Variants in GATB observed in about 807,000 individuals in gnomAD.
GATB encodes glutamyl-tRNA amidotransferase subunit B.
Under a neutral mutation model 62.3 loss-of-function variants are expected in GATB, and 39 were observed. The ratio of observed to expected loss-of-function variants is 0.63; its 90% confidence interval spans 0.48 to 0.82. The LOEUF (loss-of-function observed/expected upper bound fraction) is 0.82. Ranked by LOEUF, GATB falls within the 40% of genes least tolerant of loss-of-function variation. GATB has a pLI of 0.00. For missense variants in GATB, 670 were observed against 684.0 expected (o/e 0.98, Z 0.23); for synonymous variants, 276 against 258.9 (o/e 1.07, Z -0.63).
chr4:151,694,392 T>C (rs1738428314), intron 9 of GATB, among the ~76,000 whole-genome samples: 1 of 152,142 alleles, frequency 6.6e-6, no homozygotes, highest in South Asian at 2.1e-4. Flanking sequence ...TCTTCCCCTC[T>C]GAAAGCTCCT....
chr4:151,701,515 G>A lies in GATB; in HGVS notation c.1011C>T (p.Phe337=). ...RDKEGKQDYR[F]MPEPNLPPLV... ...GGGGAGGCAGGTTGGGTTCTGGCAT[G>A]AACCTGGGCAGACAGAGGAGACGGG... is the stretch of plus-strand genomic sequence containing the variant. The change falls in exon 9 of 13, where the codon TTC becomes TTT. Residue 337 remains phenylalanine (F), a synonymous_variant. Coordinates refer to ENST00000263985, the MANE Select transcript of GATB (RefSeq NM_004564.3). 2.0e-6 allele frequency: 3 copies of A among 1,528,648 alleles called. No homozygotes were observed. The highest frequency in any genetic ancestry group is 2.6e-6 in the Non-Finnish European group (3 of 1,132,698). 94.7% of individuals were successfully genotyped at this position (1,528,648 alleles called of 1,614,324 possible). A position where few individuals can be genotyped will look rare whatever the true frequency, so the allele number is the denominator to read the frequency against.
At position 151,688,651 on chromosome 4, in the gene GATB, T is replaced by TAG. The variant is rs1738300849; in HGVS notation, c.1309_1310insCT (p.Gln437ProfsTer59). The TAG allele has an allele frequency of 6.2e-7, 1 of 1,610,170 alleles. No homozygotes were observed. The highest frequency in any genetic ancestry group is 1.1e-5 in the South Asian group (1 of 89,600). On this transcript the variant is annotated frameshift_variant, in exon 10 of 13. Coordinates refer to ENST00000263985, the MANE Select transcript of GATB (RefSeq NM_004564.3). LOFTEE classifies it high-confidence loss of function. ...TCACCTCTCACTGACAGCGAGGTTC[T>TAG]GTTGCTTTAAATAGCCCAGAAAAGT...
chr4:151,742,917 A>G (rs1169403571), intron 2 of GATB, among the ~76,000 whole-genome samples: 1 of 152,246 alleles, frequency 6.6e-6, no homozygotes, highest in East Asian at 1.9e-4. Context: ...CAGACTATAA[A>G]ATAAGTAGCT....
At chr4:151,743,222 G>T (rs1739530545) in intron 2 of GATB, among the ~76,000 whole-genome samples, 2 of 152,186 alleles carry the variant, frequency 1.3e-5, no homozygotes, top group Non-Finnish European at 2.9e-5. Context: ...CCCATAGACA[G>T]GCCTGCTTTC....
At chr4:151,700,219 CA>C in intron 9 of GATB, among the ~76,000 whole-genome samples, 1 of 152,200 alleles carries the variant, frequency 6.6e-6, no homozygotes, top group Non-Finnish European at 1.5e-5. Flanking sequence ...ATGTTGTGCT[CA>C]TCTGTGCTGA....
At position 151,750,208 on chromosome 4, in the gene GATB, T is replaced by C. The variant is rs139695858; in HGVS notation, c.327+8564A>G. Among the ~76,000 whole-genome samples, 732 of 152,310 alleles carry C rather than the reference T, an allele frequency of 4.8e-3. 3 individuals are homozygous for C. The highest frequency in any genetic ancestry group is 0.017 in the African/African-American group (688 of 41,574). ...TAACTTAAGTTTTTTAAACAAAATA[T>C]CACAGACATGTATTTTTAAATAACT... is the stretch of plus-strand genomic sequence containing the variant. On this transcript the variant is annotated intron_variant, in intron 2 of 12. Coordinates refer to ENST00000263985, the MANE Select transcript of GATB (RefSeq NM_004564.3).
intron 5 of GATB, among the ~76,000 whole-genome samples, chr4:151,710,282 T>C (rs1366927068): frequency 2.0e-5 from 3 of 152,150 alleles, no homozygotes; most frequent in African/African-American, 7.2e-5. Flanking sequence ...CCCATACCAG[T>C]CATTACTCTT....
intron 5 of GATB, among the ~76,000 whole-genome samples, chr4:151,708,776 T>G (rs980031759): frequency 6.6e-6 from 1 of 152,222 alleles, no homozygotes; most frequent in Admixed American, 6.5e-5. Context: ...GTGGTGGGAC[T>G]CAGAGAGGTG....
At position 151,730,176 on chromosome 4, in the gene GATB, G is replaced by A. The variant is rs754074192; in HGVS notation, c.328-10638C>T. ...CTTTCCCCTTCTTCCCTGACAACCC[G>A]CATGACTCAGCAGAGGCAGCCATAA... On this transcript the variant is annotated intron_variant, in intron 2 of 12. Transcript: ENST00000263985. The surrounding 1 kb of genome is among the most constrained non-coding windows in gnomAD (Gnocchi z 4.1). 1.3e-5 allele frequency among the ~76,000 whole-genome samples: 2 copies of A among 152,020 alleles called. No individual in the cohort carries two copies. Among genetic ancestry groups the A allele is most frequent in the Non-Finnish European group, 2.9e-5 (2 of 67,998 alleles).
At chr4:151,728,859 T>G (rs149882833) in intron 2 of GATB, among the ~76,000 whole-genome samples, 1 of 152,226 alleles carries the variant, frequency 6.6e-6, no homozygotes, top group Non-Finnish European at 1.5e-5. Flanking sequence ...AACCAAACTC[T>G]AAGTAAGAAA....
chr4:151,694,602 A>G (rs746426954), intron 9 of GATB, among the ~76,000 whole-genome samples: 3 of 152,236 alleles, frequency 2.0e-5, no homozygotes, highest in Non-Finnish European at 4.4e-5. Flanking sequence ...TGAAAATTGC[A>G]CGGAGCTGAA....
At chr4:151,718,250 C>T (rs1279131260) in intron 3 of GATB, among the ~76,000 whole-genome samples, 3 of 152,058 alleles carry the variant, frequency 2.0e-5, no homozygotes, top group Non-Finnish European at 2.9e-5. Context: ...TATGCTGAGA[C>T]GGGAAGTCTC....
At chr4:151,752,789 G>A (rs1739745872) in intron 2 of GATB, among the ~76,000 whole-genome samples, 1 of 151,974 alleles carries the variant, frequency 6.6e-6, no homozygotes, top group Non-Finnish European at 1.5e-5. Context: ...TATCATGTTG[G>A]AGAATCTCCT....
intron 10 of GATB, among the ~76,000 whole-genome samples, chr4:151,680,697 T>G (rs1738121207): frequency 6.6e-6 from 1 of 152,238 alleles, no homozygotes; most frequent in African/African-American, 2.4e-5. Flanking sequence ...CAGGTTGAGT[T>G]ACCTCATCTG....
intron 2 of GATB, among the ~76,000 whole-genome samples, chr4:151,746,282 T>C (rs1739592309): frequency 1.3e-5 from 2 of 152,354 alleles, no homozygotes; most frequent in Middle Eastern, 3.4e-3. Context: ...TTACTGGAAA[T>C]ATTACTTGGC....
At position 151,675,312 on chromosome 4, in the gene GATB, G is replaced by GTATT. The variant is rs1446000083; in HGVS notation, c.1411-2417_1411-2416insAATA. On this transcript the variant is annotated intron_variant, in intron 11 of 12. Transcript: ENST00000263985. ...GTGGCTGAAATGTCCTTTCCTCCCAGAGTTAGAATACATAATGTTAGTTAA... is the reference window on the plus strand; with the variant it reads ...GTGGCTGAAATGTCCTTTCCTCCCAGTATTAGTTAGAATACATAATGTTAGTTAA... The GTATT allele has an allele frequency of 7.9e-5, 12 of 152,370 alleles. No individual in the cohort carries two copies. The East Asian group carries it at 1.7e-3, about 22-fold the overall frequency. 9.4% of individuals were successfully genotyped at this position (152,370 alleles called of 1,614,324 possible). A position where few individuals can be genotyped will look rare whatever the true frequency, so the allele number is the denominator to read the frequency against.
At chr4:151,747,126 T>G (rs1056790864) in intron 2 of GATB, among the ~76,000 whole-genome samples, 2 of 152,186 alleles carry the variant, frequency 1.3e-5, no homozygotes, top group African/African-American at 4.8e-5. Flanking sequence ...TGCCACATGG[T>G]AAGCACTTGG....
chr4:151,685,365 G>A (rs533500255), intron 10 of GATB, among the ~76,000 whole-genome samples: 3 of 152,122 alleles, frequency 2.0e-5, no homozygotes, highest in African/African-American at 4.8e-5. Flanking sequence ...GGGTAGAACC[G>A]GGTCCTGGTC....
At chr4:151,713,775 C>T (rs1431410246) in intron 5 of GATB, among the ~76,000 whole-genome samples, 1 of 152,094 alleles carries the variant, frequency 6.6e-6, no homozygotes, top group African/African-American at 2.4e-5. Flanking sequence ...GCCATGGCTG[C>T]CACTAGGGAA....
Sources: allele counts gnomAD v4.1 joint callset (sites outside exome capture counted in the v4.1 genomes callset), GRCh38; gene constraint gnomAD v4.1.1; non-coding constraint Gnocchi (gnomAD v3.1); transcripts MANE v1.5; gene names NCBI Gene and HGNC (gene_info 2026-07-23, HGNC 2026-07-21).